ATP8A2: variants seen among roughly 807,000 people sequenced by gnomAD.
ATP8A2 encodes ATPase phospholipid transporting 8A2, also known as phospholipid-transporting ATPase IB.
ATP8A2 carries 100 observed loss-of-function variants against 165.6 expected under a neutral mutation model. The observed-to-expected ratio is 0.60, with a 90% CI of 0.51 to 0.71. The LOEUF (loss-of-function observed/expected upper bound fraction) is 0.71. Among genes scored for constraint, ATP8A2 ranks in the 30% least tolerant of loss-of-function variants. The probability of loss-of-function intolerance (pLI) is 0.00; values close to 1 mark genes in which losing one functional copy is unlikely to be tolerated. For synonymous variants in ATP8A2, 543 were observed against 548.8 expected (o/e 0.99, Z 0.15); for missense variants, 1,227 against 1,479.5 (o/e 0.83, Z 2.80).
Position 25,652,863 on chromosome 13 carries a change from G to T in ATP8A2, c.2212-46310G>T, listed in dbSNP as rs567634238. ...ACTGTGCCATTCTTCCTTTTATTTG[G>T]AATGTTCTTCATCACTGCCCACACT... On this transcript the variant is annotated intron_variant, in intron 24 of 36. Coordinates refer to ENST00000381655, the MANE Select transcript of ATP8A2 (RefSeq NM_016529.6). Among the ~76,000 whole-genome samples the T allele has an allele frequency of 3.1e-3, 468 of 152,194 alleles. 4 individuals are homozygous for T. The highest frequency in any genetic ancestry group is 0.011 in the African/African-American group (452 of 41,512).
At chr13:25,409,058 A>G (rs1034822538) in intron 1 of ATP8A2, among the ~76,000 whole-genome samples, 13 of 152,190 alleles carry the variant, frequency 8.5e-5, no homozygotes, top group African/African-American at 1.2e-4. Flanking sequence ...CTGTACTAGT[A>G]TGCCCTTTTC....
chr13:25,576,096 A>T (rs757713091), intron 19 of ATP8A2, among the ~76,000 whole-genome samples: 1 of 152,200 alleles, frequency 6.6e-6, no homozygotes, highest in Non-Finnish European at 1.5e-5. Flanking sequence ...ACACATTGAG[A>T]AACTGAAACA....
In ATP8A2 at chr13:25,831,396, G is replaced by C. The variant is rs181932314; in HGVS notation, c.2754+3204G>C. 8.9e-4 allele frequency among the ~76,000 whole-genome samples: 135 copies of C among 151,910 alleles called. 1 individual carries two copies. Among genetic ancestry groups the C allele is most frequent in the African/African-American group, 2.9e-3 (121 of 41,434 alleles). ...CGCCCGGCTAATTTTTGTATTTTTA[G>C]TAGAGATGAGGTTTCACTGTGTTAG... On this transcript the variant is annotated intron_variant, in intron 28 of 36. Transcript: ENST00000381655.
At chr13:25,426,795 A>AG in intron 1 of ATP8A2, among the ~76,000 whole-genome samples, 1 of 152,152 alleles carries the variant, frequency 6.6e-6, no homozygotes, top group East Asian at 1.9e-4. Flanking sequence ...ATATAAAAAA[A>AG]ATTAGCTGGG....
intron 24 of ATP8A2, among the ~76,000 whole-genome samples, chr13:25,674,643 G>A (rs1259739656): frequency 6.6e-6 from 1 of 152,166 alleles, no homozygotes; most frequent in African/African-American, 2.4e-5. Flanking sequence ...ATCAGACTTG[G>A]AGAGCTAAAT....
At chr13:25,747,160 A>C (rs965266844) in intron 25 of ATP8A2, among the ~76,000 whole-genome samples, 3 of 152,336 alleles carry the variant, frequency 2.0e-5, no homozygotes, top group African/African-American at 7.2e-5. Context: ...ATATAAGAAA[A>C]CTGGAAGGAG....
chr13:25,739,376 G>A (rs928962333), intron 25 of ATP8A2, among the ~76,000 whole-genome samples: 7 of 152,232 alleles, frequency 4.6e-5, no homozygotes, highest in African/African-American at 9.6e-5. Flanking sequence ...AAACTATGCA[G>A]AATAGAAACA....
chr13:25,580,963 A>G (rs2039759988), intron 22 of ATP8A2, among the ~76,000 whole-genome samples: 1 of 152,088 alleles, frequency 6.6e-6, no homozygotes, highest in Admixed American at 6.6e-5. Flanking sequence ...TCAGTTATTT[A>G]TATTCAGTCA....
At chr13:25,716,695 AT>A (rs1282935807) in intron 25 of ATP8A2, among the ~76,000 whole-genome samples, 2 of 152,178 alleles carry the variant, frequency 1.3e-5, no homozygotes, top group African/African-American at 2.4e-5. Flanking sequence ...AATTTGAAAA[AT>A]ATTTATGTAG....
intron 22 of ATP8A2, among the ~76,000 whole-genome samples, chr13:25,580,518 T>C (rs935379862): frequency 6.6e-6 from 1 of 152,106 alleles, no homozygotes; most frequent in African/African-American, 2.4e-5. Flanking sequence ...CAATTTCCAG[T>C]TTCTATAACT....
chr13:25,710,244 G>A (rs955034999), intron 25 of ATP8A2, among the ~76,000 whole-genome samples: 1 of 152,142 alleles, frequency 6.6e-6, no homozygotes, highest in Non-Finnish European at 1.5e-5. Flanking sequence ...ATCACCTCAA[G>A]CATTTATCTT....
chr13:25,658,977 A>G (rs2137677800), intron 24 of ATP8A2, among the ~76,000 whole-genome samples: 1 of 152,314 alleles, frequency 6.6e-6, no homozygotes, highest in African/African-American at 2.4e-5. Flanking sequence ...TTATTACACC[A>G]TTATTTACTT....
intron 24 of ATP8A2, among the ~76,000 whole-genome samples, chr13:25,633,194 G>A (rs1593693769): frequency 2.0e-5 from 3 of 152,260 alleles, no homozygotes; most frequent in South Asian, 4.1e-4. Context: ...TATTAATGAG[G>A]CATGATATTG....
intron 33 of ATP8A2, among the ~76,000 whole-genome samples, chr13:25,885,521 G>A (rs530618102): frequency 6.2e-4 from 95 of 152,238 alleles, no homozygotes; most frequent in African/African-American, 2.2e-3. Context: ...CTGGGGAGGA[G>A]GGCTGGAGCC....
At chr13:25,511,148 C>A (rs561503207) in intron 2 of ATP8A2, among the ~76,000 whole-genome samples, 2 of 152,316 alleles carry the variant, frequency 1.3e-5, no homozygotes, top group Non-Finnish European at 2.9e-5. Flanking sequence ...TACCTCAGGT[C>A]CAAGTAGTGA....
At chr13:25,637,861 A>G (rs2041412137) in intron 24 of ATP8A2, among the ~76,000 whole-genome samples, 2 of 152,198 alleles carry the variant, frequency 1.3e-5, no homozygotes, top group African/African-American at 4.8e-5. Flanking sequence ...ATCCCCAAGT[A>G]GGGGCAGACT....
chr13:25,783,663 G>A (rs1036916544), intron 27 of ATP8A2, among the ~76,000 whole-genome samples: 1 of 152,150 alleles, frequency 6.6e-6, no homozygotes, highest in Non-Finnish European at 1.5e-5. Context: ...AGGATGAGTA[G>A]CAGCTGATCA....
intron 33 of ATP8A2, among the ~76,000 whole-genome samples, chr13:25,919,144 C>A (rs1179744703): frequency 6.6e-6 from 1 of 152,192 alleles, no homozygotes; most frequent in Non-Finnish European, 1.5e-5. Flanking sequence ...AGCTACCCAT[C>A]CTTTAATATG....
At chr13:25,386,011 G>A (rs1002707153) in intron 1 of ATP8A2, among the ~76,000 whole-genome samples, 2 of 151,902 alleles carry the variant, frequency 1.3e-5, no homozygotes, top group Non-Finnish European at 2.9e-5. Flanking sequence ...TGCCTCCTGG[G>A]TTCTAGCGAT....
Sources: gnomAD v4.1 joint callset for allele counts (sites outside exome capture counted in the v4.1 genomes callset) on GRCh38, gnomAD v4.1.1 for gene constraint, MANE v1.5 for transcripts, NCBI Gene and HGNC (gene_info 2026-07-23, HGNC 2026-07-21) for gene names.